The following INTS1 variants were observed in gnomAD, a reference collection of about 807,000 sequenced individuals.
The protein encoded by INTS1 is integrator complex subunit 1.
Under a neutral mutation model 241.6 loss-of-function variants are expected in INTS1, and 137 were observed. That is an observed-to-expected ratio of 0.57 (90% confidence interval 0.49 to 0.65). INTS1 has a LOEUF of 0.65. Among genes scored for constraint, INTS1 ranks in the 30% least tolerant of loss-of-function variants. The probability of loss-of-function intolerance (pLI) is 0.00; values close to 1 mark genes in which losing one functional copy is unlikely to be tolerated. For synonymous variants in INTS1, 1,692 were observed against 1,337.8 expected (o/e 1.26, Z -5.78); for missense variants, 3,073 against 3,032.2 (o/e 1.01, Z -0.32).
intron 13 of INTS1, 104 bp downstream of exon 13, chr7:1,495,329 C>G: frequency 7.2e-7 from 1 of 1,379,396 alleles, no homozygotes; most frequent in Non-Finnish European, 9.7e-7. Flanking sequence ...CGGGGCCTGG[C>G]TTGTCCTGGC....
chr7:1,499,236 C>G lies in INTS1; in HGVS notation c.950+19G>C. On this transcript the variant is annotated intron_variant, in intron 7 of 47. Coordinates refer to ENST00000404767, the MANE Select transcript of INTS1 (RefSeq NM_001080453.3). The stretch of plus-strand genomic sequence containing the variant: ...CGCCCCCGCCGCCCCCAACTGGGAC[C>G]GGGCAGGCACGCAGCTACCTGGGCA... The G allele has an allele frequency of 3.1e-6, 5 of 1,608,050 alleles. No homozygotes were observed. Among genetic ancestry groups the G allele is most frequent in the Non-Finnish European group, 4.2e-6 (5 of 1,178,560 alleles).
Position 1,493,842 on chromosome 7 carries a change from C to T in INTS1, c.1980G>A (p.Gly660=). ...GCCCGAGCGGGAGCTCCCGGGACAG[C>T]CCGATGACCAGGATGCGCATCAGCG... ...EDTLMRILVI[G]LSRELPLGPA... The change falls in exon 15 of 48, where the codon GGG becomes GGA. Residue 660 remains glycine (G), a synonymous_variant. Coordinates refer to ENST00000404767, the MANE Select transcript of INTS1 (RefSeq NM_001080453.3). This position sits in a 1 kb window ranked among gnomAD's most constrained non-coding sequence, Gnocchi z 5.3. 1 of 1,570,578 alleles carries T rather than the reference C, an allele frequency of 6.4e-7. No homozygotes were observed. The highest frequency in any genetic ancestry group is 8.6e-7 in the Non-Finnish European group (1 of 1,158,988).
intron 11 of INTS1, among the ~76,000 whole-genome samples, chr7:1,496,580 A>C (rs1416068908): frequency 6.6e-6 from 1 of 152,110 alleles, no homozygotes; most frequent in Non-Finnish European, 1.5e-5. Flanking sequence ...CCAGAGAGAG[A>C]GCCCAGGACC....
chr7:1,472,261 G>C lies in INTS1; in HGVS notation c.6184+12C>G. On this transcript the variant is annotated intron_variant, in intron 44 of 47. Transcript: ENST00000404767. The stretch of plus-strand genomic sequence containing the variant: ...CGCTGACCTGGCGTGGGTGAAGCAG[G>C]GCCTGACTCACCCTCCACCGTTTGG... 2 of 1,543,594 alleles carry C rather than the reference G, an allele frequency of 1.3e-6. No homozygotes were observed. The highest frequency in any genetic ancestry group is 1.8e-6 in the Non-Finnish European group (2 of 1,140,860).
rs1782917341 is a variant in INTS1 at position 1,497,424 on chromosome 7, TCAGA to T, written c.1426-114_1426-111del. 4.2e-6 allele frequency: 5 copies of T among 1,192,446 alleles called. No individual in the cohort carries two copies. Among genetic ancestry groups the T allele is most frequent in the Non-Finnish European group, 5.7e-6 (5 of 870,102 alleles). The allele number at this position is 1,192,446 out of a possible 1,614,324, so 73.9% of individuals were successfully genotyped here. ...GCGCCCGAGGGCGCTGCAGTGGGTC[TCAGA>T]CAGTGTGGGGTGCGGGGTGGCGGGC... On this transcript the variant is annotated intron_variant, in intron 10 of 47. Transcript: ENST00000404767. This position sits in a 1 kb window ranked among gnomAD's most constrained non-coding sequence, Gnocchi z 5.3.
chr7:1,498,204 A>C, intron 10 of INTS1: 1 of 721,278 alleles, frequency 1.4e-6, no homozygotes, highest in Non-Finnish European at 2.2e-6. Flanking sequence ...TCAGTTTCTG[A>C]GAAAGACGCT....
chr7:1,476,508 G>GCCACCCCCTCTCCCGGATGGT, intron 37 of INTS1, 53 bp from the exon 38 acceptor site: 1 of 1,600,680 alleles, frequency 6.2e-7, no homozygotes, highest in Non-Finnish European at 8.5e-7. Context: ...TCCCGGATGG[G>GCCACCCCCTCTCCCGGATGGT]CCACCCCCTC....
chr7:1,503,099 A>G lies in INTS1; in HGVS notation c.151T>C (p.Ser51Pro), dbSNP rs1331594410. The G allele has an allele frequency of 6.2e-7, 1 of 1,610,692 alleles. No individual in the cohort carries two copies. The highest frequency in any genetic ancestry group is 1.1e-5 in the South Asian group (1 of 90,964). The stretch of plus-strand genomic sequence containing the variant: ...CGCTTGCGCTCAGAAGGCAGGCCGG[A>G]AGGGGCTGGCTTCAGCAGGGTGGAC... The part of the protein sequence containing the change: ...TASTLLKPAP[S>P]GLPSERKRDA... The change falls in exon 3 of 48, where the codon TCC becomes CCC. Residue 51 changes from serine (S) to proline (P), a missense_variant. Coordinates refer to ENST00000404767, the MANE Select transcript of INTS1 (RefSeq NM_001080453.3).
Position 1,477,586 on chromosome 7 carries a change from G to C in INTS1, c.4902C>G (p.Pro1634=). Residue 1634 remains proline (P), a synonymous_variant, in exon 35 of 48, where the codon CCC becomes CCG. Coordinates refer to ENST00000404767, the MANE Select transcript of INTS1 (RefSeq NM_001080453.3). ...AGAAGAGCAGCCTGAGCTGCAGGTC[G>C]GGGCAGCTGCTGACCACCTCGGGGT... The part of the protein sequence containing the change: ...MLDPEVVSSC[P]DLQLRLLFSR... The C allele has an allele frequency of 6.4e-7, 1 of 1,556,788 alleles. No individual in the cohort carries two copies. The highest frequency in any genetic ancestry group is 8.7e-7 in the Non-Finnish European group (1 of 1,152,584).
At chr7:1,488,148 C>CT (rs1423597584) in intron 18 of INTS1, among the ~76,000 whole-genome samples, 191 bp from the exon 19 acceptor site, 1 of 152,202 alleles carries the variant, frequency 6.6e-6, no homozygotes, top group Non-Finnish European at 1.5e-5. Flanking sequence ...CGCAGCGCTG[C>CT]CCAGAGGCGC....
chr7:1,470,425 C>A lies in INTS1; in HGVS notation c.*152G>T. ...GCCGGCCCGGAGCCACCCCAGGGCT[C>A]GGAGTATTGCTCCTGGGCCTGCCTG... On this transcript the variant is annotated 3_prime_UTR_variant, in exon 48 of 48. Transcript: ENST00000404767. The A allele has an allele frequency of 7.0e-6, 4 of 572,690 alleles. No individual in the cohort carries two copies. In the South Asian group the frequency reaches 9.7e-5, roughly 14 times the overall value. 35.5% of individuals were successfully genotyped at this position (572,690 alleles called of 1,614,324 possible).
chr7:1,500,365 C>A lies in INTS1; in HGVS notation c.351G>T (p.Val117=). 1.3e-6 allele frequency: 2 copies of A among 1,567,772 alleles called. No homozygotes were observed. Among genetic ancestry groups the A allele is most frequent in the Non-Finnish European group, 1.7e-6 (2 of 1,154,714 alleles). ...IKEPSVVPIE[V]LPTVLLDEIE... ...TCTCATCCAGCAGCACCGTGGGCAG[C>A]ACTGGCCGGGGCAGGCGGTACGGTC... Residue 117 remains valine (V), a splice_region_variant and synonymous_variant, in exon 4 of 48, where the codon GTG becomes GTT. Coordinates refer to ENST00000404767, the MANE Select transcript of INTS1 (RefSeq NM_001080453.3).
Position 1,481,422 on chromosome 7 carries a change from C to G in INTS1, c.3770G>C (p.Ser1257Thr). 6.2e-7 allele frequency: 1 copy of G among 1,612,886 alleles called. No individual in the cohort carries two copies. Among genetic ancestry groups the G allele is most frequent in the Non-Finnish European group, 8.5e-7 (1 of 1,179,756 alleles). Residue 1257 changes from serine (S) to threonine (T), a missense_variant, in exon 28 of 48, where the codon AGC (serine) becomes ACC (threonine). Physicochemically the swap from Ser to Thr is moderately conservative, Grantham distance 58 (BLOSUM62 1). Transcript: ENST00000404767. The surrounding 1 kb of genome is among the most constrained non-coding windows in gnomAD (Gnocchi z 6.8). ...CAGGAACTGGAGGAGTTTGCTCATG[C>G]TGGACACGGGGATGCCAAACGACTG... ...FVQSFGIPVS[S>T]MSKLLQFLDQ...
At chr7:1,472,437 A>T in intron 43 of INTS1, 51 bp from the exon 44 acceptor site, 1 of 1,301,118 alleles carries the variant, frequency 7.7e-7, no homozygotes, top group Non-Finnish European at 1.0e-6. Flanking sequence ...AGGACGTGCC[A>T]CACTGAGGCA....
chr7:1,483,268 G>A (rs750997231), intron 26 of INTS1: 23 of 235,346 alleles, frequency 9.8e-5, no homozygotes, highest in African/African-American at 2.9e-4. Flanking sequence ...GGAAGGCTGC[G>A]GCCGCAGAGG....
At chr7:1,485,579 C>A (rs1192651663) in intron 22 of INTS1, 110 bp from the exon 23 acceptor site, 2 of 1,160,220 alleles carry the variant, frequency 1.7e-6, no homozygotes, top group Non-Finnish European at 1.2e-6. Context: ...GAGAATGTGG[C>A]GCTTGCTTCC....
In INTS1 at chr7:1,478,757, G is replaced by A; in HGVS notation, c.4458C>T (p.Ser1486=). The A allele has an allele frequency of 2.5e-6, 4 of 1,594,568 alleles. No individual in the cohort carries two copies. The highest frequency in any genetic ancestry group is 3.4e-6 in the Non-Finnish European group (4 of 1,171,014). ...PLRAQLRMLA[S]QASAGRRLSD... ...TGAGCCTGCGCCCGGCTGAGGCCTGGCTGGCAAGCATCCTGAGCTGTGCCC... is the reference window on the plus strand; with the variant it reads ...TGAGCCTGCGCCCGGCTGAGGCCTGACTGGCAAGCATCCTGAGCTGTGCCC... Residue 1486 remains serine, a synonymous_variant, in exon 32 of 48, where the codon AGC becomes AGT. Transcript: ENST00000404767.
chr7:1,489,031 C>A (rs1033190036), intron 18 of INTS1, among the ~76,000 whole-genome samples: 2 of 152,148 alleles, frequency 1.3e-5, no homozygotes, highest in Non-Finnish European at 2.9e-5. Context: ...CAGCATCGCA[C>A]CACCCCCAGC....
chr7:1,470,759 C>T (rs1781422805), intron 47 of INTS1, 67 bp from the exon 48 acceptor site: 37 of 1,474,368 alleles, frequency 2.5e-5, no homozygotes, highest in Non-Finnish European at 3.2e-5. Flanking sequence ...GACCAGACCT[C>T]GGGACTCCCA....
Sources: gnomAD v4.1 joint callset for allele counts (sites outside exome capture counted in the v4.1 genomes callset) on GRCh38, gnomAD v4.1.1 for gene constraint, Gnocchi (gnomAD v3.1) non-coding constraint, MANE v1.5 for transcripts, NCBI Gene and HGNC (gene_info 2026-07-23, HGNC 2026-07-21) for gene names.